Variants in PIM3 observed in about 807,000 individuals in gnomAD.
PIM3 encodes the protein serine/threonine-protein kinase pim-3.
Under a neutral mutation model 27.5 loss-of-function variants are expected in PIM3, and 13 were observed. The observed-to-expected ratio is 0.47, with a 90% CI of 0.31 to 0.75. The LOEUF (loss-of-function observed/expected upper bound fraction) is 0.75, where lower values mean the gene tolerates loss of function less well. PIM3 is among the 30% of genes least tolerant of loss of function. The pLI is 0.05. For synonymous variants in PIM3, 341 were observed against 221.1 expected (o/e 1.54, Z -4.81); for missense variants, 482 against 476.9 (o/e 1.01, Z -0.10).
At chr22:49,962,531 T>A (rs1289827183) in intron 4 of PIM3, among the ~76,000 whole-genome samples, 158 bp from the exon 5 acceptor site, 11 of 146,714 alleles carry the variant, frequency 7.5e-5, no homozygotes, top group Admixed American at 2.7e-4. Flanking sequence ...AGCCCCCCCA[T>A]CGCCTGCCGG....
At position 49,961,242 on chromosome 22, in the gene PIM3, G is replaced by C. The variant is rs563149145; in HGVS notation, c.195+8G>C. On this transcript the variant is annotated splice_region_variant and intron_variant, in intron 2 of 5. Coordinates refer to ENST00000360612, the MANE Select transcript of PIM3 (RefSeq NM_001001852.4). ...ATCGCCGACGGGCTCCCGGTGAGTC[G>C]GACCGCCGGGCGGGCCCGGGTTTCT... The C allele has an allele frequency of 6.5e-7, 1 of 1,533,296 alleles. No homozygotes were observed. Among genetic ancestry groups the C allele is most frequent in the Non-Finnish European group, 8.7e-7 (1 of 1,144,474 alleles). The allele number at this position is 1,533,296 out of a possible 1,614,324, so 95.0% of individuals were successfully genotyped here.
At chr22:49,962,890 T>TG (rs2060916424) in intron 5 of PIM3, 25 bp downstream of exon 5, 1 of 1,589,480 alleles carries the variant, frequency 6.3e-7, no homozygotes, top group Admixed American at 1.7e-5. Context: ...GAGGCGGGGG[T>TG]GGGGGCCTCG....
chr22:49,961,159 C>T lies in PIM3; in HGVS notation c.120C>T (p.Tyr40=), dbSNP rs772488204. 9.1e-5 allele frequency: 139 copies of T among 1,529,406 alleles called. 1 individual carries two copies. In the South Asian group the frequency reaches 1.6e-3, roughly 18 times the overall value. The allele number at this position is 1,529,406 out of a possible 1,614,324, so 94.7% of individuals were successfully genotyped here. The change falls in exon 2 of 6, where the codon TAC becomes TAT. Residue 40 remains tyrosine, a synonymous_variant. Transcript: ENST00000360612. ...KADKESFEKA[Y]QVGAVLGSGG... is the part of the protein sequence containing the mutation. ...ACAAGGAGAGCTTCGAGAAGGCGTA[C>T]CAGGTGGGCGCCGTGCTGGGTAGCG...
In PIM3 at chr22:49,961,034, T is replaced by C; in HGVS notation, c.85+2T>C. On this transcript the variant is annotated splice_donor_variant, in intron 1 of 5. Transcript: ENST00000360612. LOFTEE classifies it high-confidence loss of function. ...TCCCGGTGAAGATCCTGCAGCCAGG[T>C]ACGCGCGGGGCCGGCGGGGCCGGGG... 1 of 1,365,540 alleles carries C rather than the reference T, an allele frequency of 7.3e-7. No individual in the cohort carries two copies. Among genetic ancestry groups the C allele is most frequent in the East Asian group, 3.4e-5 (1 of 29,234 alleles). The allele number at this position is 1,365,540 out of a possible 1,614,324, so 84.6% of individuals were successfully genotyped here.
intron 4 of PIM3, among the ~76,000 whole-genome samples, chr22:49,962,022 T>A (rs1482538954): frequency 6.6e-6 from 1 of 151,756 alleles, no homozygotes; most frequent in African/African-American, 2.4e-5. Context: ...AGGGGCGCGC[T>A]CAATATTGCT....
chr22:49,961,220 G>A lies in PIM3; in HGVS notation c.181G>A (p.Ala61Thr). Residue 61 changes from alanine (A) to threonine (T), a missense_variant, in exon 2 of 6, where the codon GCC (alanine) becomes ACC (threonine). By Grantham distance (58) the Ala-to-Thr change is moderately conservative. Coordinates refer to ENST00000360612, the MANE Select transcript of PIM3 (RefSeq NM_001001852.4). ...FGTVYAGSRI[A>T]DGLPVAVKHV... ...CACGGTCTACGCGGGTAGCCGCATC[G>A]CCGACGGGCTCCCGGTGAGTCGGAC... 6.5e-7 allele frequency: 1 copy of A among 1,532,786 alleles called. No individual in the cohort carries two copies. The highest frequency in any genetic ancestry group is 8.7e-7 in the Non-Finnish European group (1 of 1,143,838). The allele number at this position is 1,532,786 out of a possible 1,614,324, so 94.9% of individuals were successfully genotyped here.
intron 2 of PIM3, 41 bp from the exon 3 acceptor site, chr22:49,961,277 T>TGCGCCTC (rs1441247391): frequency 1.2e-5 from 19 of 1,540,390 alleles, no homozygotes; most frequent in Non-Finnish European, 1.6e-5. Flanking sequence ...TCGCGCGCCT[T>TGCGCCTC]GCGCCTCGCT....
chr22:49,962,985 A>G lies in PIM3; in HGVS notation c.839A>G (p.Glu280Gly). The change falls in exon 6 of 6, where the codon GAG becomes GGG. Residue 280 changes from glutamate to glycine, a missense_variant. Transcript: ENST00000360612. The part of the protein sequence containing the change: ...IRWCLSLRPS[E>G]RPSLDQIAAH... ...TGGTGCCTGTCCCTGCGGCCCTCAG[A>G]GCGGCCGTCGCTGGATCAGATTGCG... 6.2e-7 allele frequency: 1 copy of G among 1,610,540 alleles called. No homozygotes were observed. Among genetic ancestry groups the G allele is most frequent in the Non-Finnish European group, 8.5e-7 (1 of 1,179,716 alleles).
Position 49,963,373 on chromosome 22 carries a change from C to G in PIM3, c.*246C>G. The G allele has an allele frequency of 2.1e-6, 1 of 478,862 alleles. No homozygotes were observed. Among genetic ancestry groups the G allele is most frequent in the Non-Finnish European group, 3.7e-6 (1 of 268,488 alleles). 29.7% of individuals were successfully genotyped at this position (478,862 alleles called of 1,614,324 possible). ...CTGCCCTGGGTGGATACTTGAACCC[C>G]AGACGCCCCTCTGTGCTGCTGTGTC... On this transcript the variant is annotated 3_prime_UTR_variant, in exon 6 of 6. Transcript: ENST00000360612.
intron 4 of PIM3, 111 bp from the exon 5 acceptor site, chr22:49,962,578 C>T: frequency 1.1e-5 from 14 of 1,247,824 alleles, no homozygotes; most frequent in South Asian, 4.5e-5. Context: ...GATTTTGAGG[C>T]CTGGCTCTGC....
In PIM3 at chr22:49,961,375, T is replaced by C; in HGVS notation, c.246+7T>C. 6.7e-7 allele frequency: 1 copy of C among 1,497,542 alleles called. No homozygotes were observed. Among genetic ancestry groups the C allele is most frequent in the Non-Finnish European group, 8.9e-7 (1 of 1,128,994 alleles). The allele number at this position is 1,497,542 out of a possible 1,614,324, so 92.8% of individuals were successfully genotyped here. A position where few individuals can be genotyped will look rare whatever the true frequency, so the allele number is the denominator to read the frequency against. ...GACCGAGTGGGGCAGCCTGGTAAGT[T>C]GGGGCACGGGCGGCGGCGGCGGCGG... On this transcript the variant is annotated splice_region_variant and intron_variant, in intron 3 of 5. Coordinates refer to ENST00000360612, the MANE Select transcript of PIM3 (RefSeq NM_001001852.4).
Position 49,963,027 on chromosome 22 carries a change from TGGG to T in PIM3, c.884_886del (p.Gly295del), listed in dbSNP as rs751285176. On this transcript the variant is annotated inframe_deletion, in exon 6 of 6. Transcript: ENST00000360612. Reference sequence around the variant, plus strand: ...CAGATTGCGGCCCATCCCTGGATGCTGGGGGCTGACGGGGGCGTCCCGGAGAGC... The same window carrying T: ...CAGATTGCGGCCCATCCCTGGATGCTGGCTGACGGGGGCGTCCCGGAGAGC... 4 of 1,612,124 alleles carry T rather than the reference TGGG, an allele frequency of 2.5e-6. No homozygotes were observed. Among genetic ancestry groups the T allele is most frequent in the Non-Finnish European group, 3.4e-6 (4 of 1,179,748 alleles).
At position 49,961,012 on chromosome 22, in the gene PIM3, C is replaced by A. The variant is rs772757757; in HGVS notation, c.65C>A (p.Pro22Gln). Residue 22 changes from proline to glutamine, a missense_variant, in exon 1 of 6, where the codon CCG (proline) becomes CAG (glutamine). By Grantham distance (76) the Pro-to-Gln change is moderately conservative. Coordinates refer to ENST00000360612, the MANE Select transcript of PIM3 (RefSeq NM_001001852.4). ...GGGCCCGGCGGCGTGGACCACCTCC[C>A]GGTGAAGATCCTGCAGCCAGGTACG... ...LCGPGGVDHLPVKILQPAKAD... is the reference protein window; with the variant it reads ...LCGPGGVDHLQVKILQPAKAD... The A allele has an allele frequency of 6.8e-4, 948 of 1,389,580 alleles. 1 individual carries two copies. The highest frequency in any genetic ancestry group is 8.3e-4 in the Non-Finnish European group (885 of 1,061,708). The allele number at this position is 1,389,580 out of a possible 1,614,324, so 86.1% of individuals were successfully genotyped here.
chr22:49,961,040 C>T lies in PIM3; in HGVS notation c.85+8C>T. On this transcript the variant is annotated splice_region_variant and intron_variant, in intron 1 of 5. Coordinates refer to ENST00000360612, the MANE Select transcript of PIM3 (RefSeq NM_001001852.4). ...TGAAGATCCTGCAGCCAGGTACGCG[C>T]GGGGCCGGCGGGGCCGGGGCCGGGG... The T allele has an allele frequency of 7.4e-7, 1 of 1,345,282 alleles. No homozygotes were observed. Among genetic ancestry groups the T allele is most frequent in the Non-Finnish European group, 9.6e-7 (1 of 1,038,190 alleles). 83.3% of individuals were successfully genotyped at this position (1,345,282 alleles called of 1,614,324 possible).
chr22:49,961,064 G>T, intron 1 of PIM3, 32 bp downstream of exon 1: 3 of 1,362,268 alleles, frequency 2.2e-6, no homozygotes, highest in Non-Finnish European at 2.9e-6. Context: ...CCGGGGCCGG[G>T]GCCAGGGCGG....
Position 49,962,835 on chromosome 22 carries a change from C to T in PIM3, c.763C>T (p.Arg255Cys), listed in dbSNP as rs763073107. The change falls in exon 5 of 6, where the codon CGC (arginine) becomes TGC (cysteine). Residue 255 changes from arginine to cysteine, a missense_variant. Coordinates refer to ENST00000360612, the MANE Select transcript of PIM3 (RefSeq NM_001001852.4). Reference protein sequence around the residue: ...FEQDEEILRGRLLFRRRVSPE... With the variant: ...FEQDEEILRGCLLFRRRVSPE... The stretch of plus-strand genomic sequence containing the variant: ...GCAGGACGAGGAGATCCTCCGAGGC[C>T]GCCTGCTCTTCCGGAGGAGGGTCTC... 17 of 1,610,924 alleles carry T rather than the reference C, an allele frequency of 1.1e-5. No individual in the cohort carries two copies. Among genetic ancestry groups the T allele is most frequent in the Admixed American group, 1.7e-5 (1 of 59,918 alleles).
rs1296508444 is a variant in PIM3 at position 49,963,217 on chromosome 22, TCTC to T, written c.*96_*98del. The T allele has an allele frequency of 6.5e-6, 9 of 1,374,692 alleles. No individual in the cohort carries two copies. The highest frequency in any genetic ancestry group is 4.6e-5 in the South Asian group (3 of 65,294). The allele number at this position is 1,374,692 out of a possible 1,614,324, so 85.2% of individuals were successfully genotyped here. On this transcript the variant is annotated 3_prime_UTR_variant, in exon 6 of 6. Coordinates refer to ENST00000360612, the MANE Select transcript of PIM3 (RefSeq NM_001001852.4). ...CCCTGACTTTCTCCTGCGTGGGCCG[TCTC>T]CTCCTGCGGAAGCAGTGACCTCTGA...
chr22:49,961,404 G>A (rs943023286), intron 3 of PIM3, 36 bp downstream of exon 3: 3 of 1,421,992 alleles, frequency 2.1e-6, no homozygotes, highest in Admixed American at 3.5e-5. Flanking sequence ...GCGGCGGGGG[G>A]CGGGCGCGGG....
rs562690917 is a variant in PIM3, at chr22:49,962,364, C to T, written c.617-325C>T. 1.6e-3 allele frequency among the ~76,000 whole-genome samples: 229 copies of T among 146,238 alleles called. 2 individuals are homozygous for T. Among genetic ancestry groups the T allele is most frequent in the African/African-American group, 5.4e-3 (216 of 40,134 alleles). On this transcript the variant is annotated intron_variant, in intron 4 of 5. Coordinates refer to ENST00000360612, the MANE Select transcript of PIM3 (RefSeq NM_001001852.4). ...CTCCCTCTCTCCCCTCCCCCCGTTCCCGCAGGCAGGCGCGCCGGGCGGTAA... is the reference window on the plus strand; with the variant it reads ...CTCCCTCTCTCCCCTCCCCCCGTTCTCGCAGGCAGGCGCGCCGGGCGGTAA...
Sources: gnomAD v4.1 joint callset for allele counts (sites outside exome capture counted in the v4.1 genomes callset) on GRCh38, gnomAD v4.1.1 for gene constraint, MANE v1.5 for transcripts, NCBI Gene and HGNC (gene_info 2026-07-23, HGNC 2026-07-21) for gene names.